The following GPLD1 variants were observed in gnomAD, a reference collection of about 807,000 sequenced individuals.
GPLD1 encodes the protein glycosylphosphatidylinositol specific phospholipase D1, also known as phosphatidylinositol-glycan-specific phospholipase D.
In GPLD1, 84 loss-of-function variants were observed where a neutral mutation model predicts 112.6. The observed-to-expected ratio is 0.75, with a 90% CI of 0.63 to 0.89. The LOEUF is 0.89. GPLD1 is among the 40% of genes least tolerant of loss of function. The probability of loss-of-function intolerance (pLI) is 0.00; values close to 1 mark genes in which losing one functional copy is unlikely to be tolerated. For synonymous variants in GPLD1, 386 were observed against 403.8 expected, an observed-to-expected ratio of 0.96 and a Z score of 0.53; for missense variants, 1,044 against 1,051.5, an observed-to-expected ratio of 0.99 and a Z score of 0.10.
chr6:24,449,813 C>T lies in GPLD1; in HGVS notation c.1422G>A (p.Val474=), dbSNP rs367800095. The T allele has an allele frequency of 5.5e-5, 89 of 1,612,974 alleles. No homozygotes were observed. The highest frequency in any genetic ancestry group is 3.0e-4 in the Admixed American group (18 of 59,978). ...VPDLAVGAPS[V]GSEQLTYKGA... ...CTTTGTAGGTGAGCTGCTCGGAGCC[C>T]ACCGAGGGAGCTCCCACGGCCAGGT... Residue 474 remains valine (V), a synonymous_variant, in exon 15 of 25, where the codon GTG becomes GTA. Transcript: ENST00000230036.
chr6:24,492,731 A>T (rs1764589468), upstream of GPLD1, among the ~76,000 whole-genome samples: 1 of 151,938 alleles, frequency 6.6e-6, no homozygotes, highest in South Asian at 2.1e-4. Context: ...TGGAAGTAAG[A>T]CAGGAGCCAG....
chr6:24,458,703 AC>A (rs1393142659), intron 12 of GPLD1, among the ~76,000 whole-genome samples: 13 of 152,150 alleles, frequency 8.5e-5, no homozygotes, highest in African/African-American at 3.1e-4. Flanking sequence ...ACATGGTGAA[AC>A]CCCATCTCTA....
In GPLD1 at chr6:24,489,476, G is replaced by T. The variant is rs1139455; in HGVS notation, c.36C>A (p.Ile12=). The T allele has an allele frequency of 4.3e-6, 7 of 1,613,998 alleles. No homozygotes were observed. Among genetic ancestry groups the T allele is most frequent in the Non-Finnish European group, 5.1e-6 (6 of 1,179,916 alleles). Residue 12 remains isoleucine (I), a synonymous_variant, in exon 1 of 25, where the codon ATC becomes ATA. Transcript: ENST00000230036. ...SAFRLWPGLL[I]MLGSLCHRGS... ...CTCTATGGCAGAGAGAACCCAACAT[G>T]ATCAGCAGGCCAGGCCACAACCTGA...
intron 22 of GPLD1, among the ~76,000 whole-genome samples, chr6:24,436,073 T>C (rs868180655): frequency 8.6e-5 from 13 of 151,552 alleles, no homozygotes; most frequent in Middle Eastern, 6.8e-3. Context: ...CTGGGCAACA[T>C]AGTGAGGCCC....
At chr6:24,444,791 A>G (rs1259839285) in intron 20 of GPLD1, among the ~76,000 whole-genome samples, 1 of 152,122 alleles carries the variant, frequency 6.6e-6, no homozygotes, top group Non-Finnish European at 1.5e-5. Flanking sequence ...CAAGGCTGCC[A>G]TAAGCCATAA....
At position 24,442,011 on chromosome 6, in the gene GPLD1, TAATA is replaced by T. The variant is rs539287233; in HGVS notation, c.2020+3531_2020+3534del. Among the ~76,000 whole-genome samples the T allele has an allele frequency of 1.7e-4, 25 of 148,480 alleles. No individual in the cohort carries two copies. The South Asian group carries it at 1.9e-3, about 11-fold the overall frequency. On this transcript the variant is annotated intron_variant, in intron 20 of 24. Transcript: ENST00000230036. ...ATATATAGACACATACATGTATATA[TAATA>T]TATACATATTATATACATTTATATT...
chr6:24,474,200 C>T (rs980886109), intron 5 of GPLD1, among the ~76,000 whole-genome samples: 7 of 115,226 alleles, frequency 6.1e-5, no homozygotes, highest in East Asian at 2.5e-4. Flanking sequence ...CACACACACA[C>T]ACACACATAT....
At chr6:24,436,836 T>C in intron 21 of GPLD1, 100 bp from the exon 22 acceptor site, 2 of 1,156,546 alleles carry the variant, frequency 1.7e-6, no homozygotes, top group Non-Finnish European at 1.2e-6. Context: ...TTACAAATAA[T>C]ATTAGTATCT....
Position 24,446,945 on chromosome 6 carries a change from C to T in GPLD1, c.1713G>A (p.Val571=). ...ACCAGGAGAAGTCTTCCTCGCCTCT[C>T]ACCGTCCAGTTGGCTGCCTCCACGT... ...KLNVEAANWT[V]RGEEDFSWFG... Residue 571 remains valine (V), a synonymous_variant, in exon 18 of 25, where the codon GTG becomes GTA. Coordinates refer to ENST00000230036, the MANE Select transcript of GPLD1 (RefSeq NM_001503.4). The T allele has an allele frequency of 6.2e-7, 1 of 1,613,812 alleles. No homozygotes were observed.
chr6:24,474,804 G>T (rs1763952161), intron 5 of GPLD1, among the ~76,000 whole-genome samples: 1 of 152,156 alleles, frequency 6.6e-6, no homozygotes, highest in African/African-American at 2.4e-5. Context: ...GCTAAGCATG[G>T]TGGCACGTGC....
At position 24,441,828 on chromosome 6, in the gene GPLD1, C is replaced by G. The variant is rs116224140; in HGVS notation, c.2020+3718G>C. ...AGGGGCCCTGCATTTTTATTTGGAACTGGGCCCCGCAAACTGTGTGGGTGA... is the reference window on the plus strand; with the variant it reads ...AGGGGCCCTGCATTTTTATTTGGAAGTGGGCCCCGCAAACTGTGTGGGTGA... On this transcript the variant is annotated intron_variant, in intron 20 of 24. Transcript: ENST00000230036. Among the ~76,000 whole-genome samples the G allele has an allele frequency of 6.7e-3, 1,018 of 152,200 alleles. 15 individuals carry two copies. Among genetic ancestry groups the G allele is most frequent in the African/African-American group, 0.022 (915 of 41,546 alleles).
At chr6:24,456,991 C>T (rs1763290273) in intron 12 of GPLD1, among the ~76,000 whole-genome samples, 1 of 152,164 alleles carries the variant, frequency 6.6e-6, no homozygotes, top group Admixed American at 6.5e-5. Flanking sequence ...CTGCCTTAGC[C>T]TCCCTAGTAG....
intron 2 of GPLD1, among the ~76,000 whole-genome samples, chr6:24,480,730 T>G (rs1764173606): frequency 6.6e-6 from 1 of 152,190 alleles, no homozygotes; most frequent in Admixed American, 6.5e-5. Context: ...TGTTCTTCCT[T>G]GGTCAACTGG....
chr6:24,433,319 G>T, intron 23 of GPLD1, 44 bp downstream of exon 23: 1 of 1,586,520 alleles, frequency 6.3e-7, no homozygotes, highest in African/African-American at 1.3e-5. Flanking sequence ...AAGGGGCATT[G>T]TTTTGGTAAT....
upstream of GPLD1, among the ~76,000 whole-genome samples, chr6:24,494,519 G>A (rs1378917327): frequency 6.6e-6 from 1 of 152,162 alleles, no homozygotes; most frequent in Non-Finnish European, 1.5e-5. Context: ...GAAGAAGCGT[G>A]ATCACGGCCT....
At position 24,461,564 on chromosome 6, in the gene GPLD1, G is replaced by A. The variant is rs139582389; in HGVS notation, c.888-1165C>T. Among the ~76,000 whole-genome samples the A allele has an allele frequency of 3.4e-3, 516 of 152,058 alleles. 1 individual carries two copies. The highest frequency in any genetic ancestry group is 9.7e-3 in the African/African-American group (400 of 41,446). ...GCTCTTTTGTGCCCAGGGCCAGGAC[G>A]CTCTGTTGCAAATCCCCAGAACACC... is the stretch of plus-strand genomic sequence containing the variant. On this transcript the variant is annotated intron_variant, in intron 11 of 24. Transcript: ENST00000230036.
At chr6:24,434,004 G>T (rs912253776) in intron 22 of GPLD1, among the ~76,000 whole-genome samples, 1 of 152,134 alleles carries the variant, frequency 6.6e-6, no homozygotes, top group Non-Finnish European at 1.5e-5. Flanking sequence ...ACTATGGTTT[G>T]TCTGTAGATA....
At chr6:24,475,029 C>A in intron 5 of GPLD1, 92 bp downstream of exon 5, 1 of 711,518 alleles carries the variant, frequency 1.4e-6, no homozygotes, top group Non-Finnish European at 2.6e-6. Context: ...AATAACCTAA[C>A]ATTTTCCTTT....
At chr6:24,429,812 T>G (rs1196696417) in intron 24 of GPLD1, among the ~76,000 whole-genome samples, 1 of 152,208 alleles carries the variant, frequency 6.6e-6, no homozygotes, top group Admixed American at 6.5e-5. Context: ...CTTCCCAAAG[T>G]GCTGAAATTA....
Sources: gnomAD v4.1 joint callset for allele counts (sites outside exome capture counted in the v4.1 genomes callset) on GRCh38, gnomAD v4.1.1 for gene constraint, MANE v1.5 for transcripts, NCBI Gene and HGNC (gene_info 2026-07-23, HGNC 2026-07-21) for gene names.